The following EVI5 variants were observed in gnomAD, a reference collection of about 807,000 sequenced individuals.
EVI5 encodes the protein ecotropic viral integration site 5.
In EVI5, 73 loss-of-function variants were observed where a neutral mutation model predicts 112.0. That is an observed-to-expected ratio of 0.65 (90% CI 0.54 to 0.79). EVI5 has a LOEUF of 0.79. Ranked by LOEUF, EVI5 falls within the 30% of genes least tolerant of loss-of-function variation. The pLI, the probability that EVI5 is intolerant of heterozygous loss-of-function variation, is 0.00. For synonymous variants in EVI5, 305 were observed against 319.9 expected (o/e 0.95, Z 0.50); for missense variants, 900 against 968.8 (o/e 0.93, Z 0.94).
intron 19 of EVI5, among the ~76,000 whole-genome samples, chr1:92,540,650 T>C (rs1664635905): frequency 6.6e-6 from 1 of 152,224 alleles, no homozygotes; most frequent in Non-Finnish European, 1.5e-5. Flanking sequence ...TTGATGGTGA[T>C]CTTTGAAGCA....
At chr1:92,673,477 T>C (rs976897542) in intron 10 of EVI5, among the ~76,000 whole-genome samples, 2 of 152,030 alleles carry the variant, frequency 1.3e-5, no homozygotes, top group Non-Finnish European at 2.9e-5. Flanking sequence ...TAATATAAGC[T>C]AGAATTTTAG....
intron 18 of EVI5, among the ~76,000 whole-genome samples, chr1:92,600,254 C>G (rs1351406033): frequency 6.6e-6 from 1 of 152,092 alleles, no homozygotes; most frequent in Non-Finnish European, 1.5e-5. Context: ...ATGACACAAT[C>G]ATAAGGAAAG....
intron 13 of EVI5, among the ~76,000 whole-genome samples, chr1:92,644,793 G>A (rs762605457): frequency 5.3e-5 from 8 of 151,934 alleles, no homozygotes; most frequent in East Asian, 1.9e-4. Context: ...GGGTAAAAAC[G>A]TATTAATTTC....
chr1:92,663,369 T>C, intron 12 of EVI5, 51 bp downstream of exon 12: 1 of 905,244 alleles, frequency 1.1e-6, no homozygotes, highest in South Asian at 1.9e-5. Context: ...GGACTTTCCT[T>C]AGAAGTTAGA....
intron 2 of EVI5, among the ~76,000 whole-genome samples, chr1:92,710,617 A>G (rs554463108): frequency 6.6e-6 from 1 of 152,256 alleles, no homozygotes; most frequent in South Asian, 2.1e-4. Flanking sequence ...AGGACATAAG[A>G]CATTGTTTTT....
chr1:92,533,539 T>C (rs1158407296), intron 19 of EVI5, among the ~76,000 whole-genome samples: 1 of 152,064 alleles, frequency 6.6e-6, no homozygotes, highest in Non-Finnish European at 1.5e-5. Flanking sequence ...CTCAATAAAA[T>C]ACTGGCAAAC....
intron 13 of EVI5, among the ~76,000 whole-genome samples, chr1:92,651,623 G>A (rs924784405): frequency 5.3e-5 from 8 of 150,308 alleles, no homozygotes; most frequent in Admixed American, 1.3e-4. Context: ...AGGCCGAGGC[G>A]GGCGGATCAC....
At chr1:92,559,739 A>G (rs968562998) in intron 19 of EVI5, among the ~76,000 whole-genome samples, 2 of 121,616 alleles carry the variant, frequency 1.6e-5, no homozygotes, top group African/African-American at 6.6e-5. Flanking sequence ...GCGCCAGTGC[A>G]CTCCAGCCTG....
Position 92,716,639 on chromosome 1 carries a change from T to A in EVI5, c.150-11895A>T, listed in dbSNP as rs1673741771. Among the ~76,000 whole-genome samples, 3 of 147,392 alleles carry A rather than the reference T, an allele frequency of 2.0e-5. No homozygotes were observed. The Admixed American group carries it at 2.1e-4, about 10-fold the overall frequency. Reference sequence around the variant, plus strand: ...AATGACTTTGAGGAGCTGACAGAAATAGGCTTCAGAAGGTCGGTAATAACA... The same window carrying A: ...AATGACTTTGAGGAGCTGACAGAAAAAGGCTTCAGAAGGTCGGTAATAACA... On this transcript the variant is annotated intron_variant, in intron 2 of 19. Transcript: ENST00000684568.
At chr1:92,685,339 A>C (rs947130441) in intron 9 of EVI5, among the ~76,000 whole-genome samples, 2 of 152,238 alleles carry the variant, frequency 1.3e-5, no homozygotes. Flanking sequence ...AGAAATAAAG[A>C]TGTTCTTTGA....
intron 2 of EVI5, among the ~76,000 whole-genome samples, chr1:92,726,394 A>G (rs1675574402): frequency 6.6e-6 from 1 of 152,220 alleles, no homozygotes; most frequent in South Asian, 2.1e-4. Flanking sequence ...AGAGAAATCA[A>G]TGAAATCGCA....
intron 14 of EVI5, among the ~76,000 whole-genome samples, chr1:92,627,652 A>G (rs1180533602): frequency 6.6e-6 from 1 of 152,132 alleles, no homozygotes; most frequent in Admixed American, 6.6e-5. Flanking sequence ...AGCAGTGCAG[A>G]AGTGTTCCCT....
chr1:92,740,566 G>C (rs1678212576), intron 1 of EVI5, among the ~76,000 whole-genome samples: 1 of 152,184 alleles, frequency 6.6e-6, no homozygotes, highest in African/African-American at 2.4e-5. Context: ...CTCGAGATGA[G>C]TGGACCAAAG....
At chr1:92,634,349 C>T (rs1658222400) in intron 14 of EVI5, among the ~76,000 whole-genome samples, 1 of 152,214 alleles carries the variant, frequency 6.6e-6, no homozygotes, top group East Asian at 1.9e-4. Context: ...TTCACATAGT[C>T]CCATATTTCT....
At chr1:92,712,206 T>A (rs1222560011) in intron 2 of EVI5, among the ~76,000 whole-genome samples, 1 of 152,088 alleles carries the variant, frequency 6.6e-6, no homozygotes, top group Non-Finnish European at 1.5e-5. Context: ...CAAATTCATG[T>A]CTCAGAGCAA....
At chr1:92,625,689 C>T (rs1056121917) in intron 15 of EVI5, 105 bp downstream of exon 15, 1 of 932,752 alleles carries the variant, frequency 1.1e-6, no homozygotes, top group Non-Finnish European at 1.6e-6. Context: ...GTCTCTCTCA[C>T]TTTAAACTCA....
intron 14 of EVI5, among the ~76,000 whole-genome samples, chr1:92,632,008 C>T (rs185060295): frequency 4.0e-5 from 6 of 151,034 alleles, no homozygotes; most frequent in East Asian, 2.0e-4. Flanking sequence ...GTTGAACCAG[C>T]CTTGCATCCC....
At chr1:92,709,929 C>A (rs932394001) in intron 2 of EVI5, among the ~76,000 whole-genome samples, 2 of 151,792 alleles carry the variant, frequency 1.3e-5, no homozygotes, top group East Asian at 1.9e-4. Context: ...TGAAAGTCAA[C>A]AATTTACAAA....
At chr1:92,728,794 G>A (rs567200183) in intron 2 of EVI5, among the ~76,000 whole-genome samples, 1 of 152,290 alleles carries the variant, frequency 6.6e-6, no homozygotes, top group African/African-American at 2.4e-5. Flanking sequence ...ATTCTGAGCA[G>A]CACGATGAAA....
Sources: allele counts gnomAD v4.1 joint callset (sites outside exome capture counted in the v4.1 genomes callset), GRCh38; gene constraint gnomAD v4.1.1; transcripts MANE v1.5; gene names NCBI Gene and HGNC (gene_info 2026-07-23, HGNC 2026-07-21).